ERP44: variants seen among roughly 807,000 people sequenced by gnomAD.
ERP44 encodes endoplasmic reticulum protein 44.
Under a neutral mutation model 53.4 loss-of-function variants are expected in ERP44, and 25 were observed. The observed-to-expected ratio is 0.47, with a 90% CI of 0.34 to 0.65. ERP44 has a LOEUF of 0.65. Among genes scored for constraint, ERP44 ranks in the 30% least tolerant of loss-of-function variants. ERP44 has a pLI of 0.01. For missense variants in ERP44, 338 were observed against 493.2 expected, an observed-to-expected ratio of 0.69 and a Z score of 2.98; for synonymous variants, 145 against 161.2, an observed-to-expected ratio of 0.90 and a Z score of 0.76.
At chr9:100,027,265 G>C (rs948338294) in intron 4 of ERP44, among the ~76,000 whole-genome samples, 4 of 152,166 alleles carry the variant, frequency 2.6e-5, no homozygotes, top group African/African-American at 9.7e-5. Context: ...TAAAATTCTG[G>C]TTACAGAGAG....
intron 1 of ERP44, among the ~76,000 whole-genome samples, chr9:100,092,243 G>C (rs1826567105): frequency 6.6e-6 from 1 of 152,200 alleles, no homozygotes; most frequent in South Asian, 2.1e-4. Context: ...AGTACAGCAA[G>C]AGTCAATATC....
At chr9:100,060,238 T>A in intron 1 of ERP44, 66 bp from the exon 2 acceptor site, 1 of 1,338,368 alleles carries the variant, frequency 7.5e-7, no homozygotes, top group East Asian at 3.0e-5. Flanking sequence ...AAAAGCGAAG[T>A]CTAAAAATAA....
intron 4 of ERP44, among the ~76,000 whole-genome samples, chr9:100,031,832 G>C (rs868185328): frequency 2.0e-5 from 3 of 152,126 alleles, no homozygotes; most frequent in South Asian, 2.1e-4. Context: ...TGAAACCCTA[G>C]AAATTAGAAA....
chr9:100,056,873 CT>C (rs2118712992), intron 3 of ERP44, among the ~76,000 whole-genome samples: 1 of 152,226 alleles, frequency 6.6e-6, no homozygotes, highest in South Asian at 2.1e-4. Context: ...CATAAGGGGC[CT>C]TCTGGGTCAA....
chr9:99,980,330 A>G lies in ERP44; in HGVS notation c.*2282T>C, dbSNP rs1310798507. The stretch of plus-strand genomic sequence containing the variant: ...TACAGCACCAAAAAACTTGCACTGA[A>G]TAAATGTCAGACTGAAATCTGCTTC... On this transcript the variant is annotated 3_prime_UTR_variant, in exon 12 of 12. Transcript: ENST00000262455. The G allele has an allele frequency of 6.3e-6, 2 of 319,208 alleles. No individual in the cohort carries two copies. Among genetic ancestry groups the G allele is most frequent in the African/African-American group, 4.3e-5 (2 of 46,862 alleles). The allele number at this position is 319,208 out of a possible 1,614,324, so 19.8% of individuals were successfully genotyped here.
chr9:100,018,417 G>A (rs1830548345), intron 6 of ERP44, 104 bp from the exon 7 acceptor site: 1 of 747,176 alleles, frequency 1.3e-6, no homozygotes, highest in East Asian at 2.5e-5. Context: ...CCTATTACAA[G>A]ACTATGCAAT....
At chr9:99,995,920 C>CTTTTTTTTTTTTTTT in intron 10 of ERP44, among the ~76,000 whole-genome samples, 1 of 121,436 alleles carries the variant, frequency 8.2e-6, no homozygotes, top group Non-Finnish European at 1.7e-5. Flanking sequence ...TAGGGTAGTT[C>CTTTTTTTTTTTTTTT]TTTTTTTTTT....
intron 8 of ERP44, 128 bp from the exon 9 acceptor site, chr9:100,007,817 A>AG: frequency 1.5e-6 from 1 of 657,148 alleles, no homozygotes; most frequent in Admixed American, 2.7e-5. Context: ...GGGAAAAAAA[A>AG]GGCCCAGTGG....
rs959458423 is a variant in ERP44 at position 99,979,605 on chromosome 9, G to A, written c.*3007C>T. On this transcript the variant is annotated 3_prime_UTR_variant, in exon 12 of 12. Transcript: ENST00000262455. ...ATCTAAAAGTTTCCATCCTTTTATGGTCCCCCTCACAATTTGAAAAACTCG... is the reference window on the plus strand; with the variant it reads ...ATCTAAAAGTTTCCATCCTTTTATGATCCCCCTCACAATTTGAAAAACTCG... The A allele has an allele frequency of 1.4e-5, 3 of 217,776 alleles. No individual in the cohort carries two copies. Among genetic ancestry groups the A allele is most frequent in the Admixed American group, 1.2e-4 (2 of 17,310 alleles). 13.5% of individuals were successfully genotyped at this position (217,776 alleles called of 1,614,324 possible).
intron 1 of ERP44, among the ~76,000 whole-genome samples, chr9:100,081,410 T>C (rs570637244): frequency 1.6e-4 from 25 of 152,000 alleles, no homozygotes; most frequent in African/African-American, 6.0e-4. Context: ...ATATGCGAAA[T>C]AGCACAGCAG....
intron 1 of ERP44, among the ~76,000 whole-genome samples, chr9:100,097,626 A>G (rs1389850929): frequency 6.6e-6 from 1 of 152,254 alleles, no homozygotes; most frequent in Admixed American, 6.5e-5. Flanking sequence ...CAATGTTTAT[A>G]CACAACTTTT....
At chr9:100,048,078 G>T (rs10819721) in intron 4 of ERP44, among the ~76,000 whole-genome samples, 4 of 151,626 alleles carry the variant, frequency 2.6e-5, no homozygotes, top group Admixed American at 2.6e-4. Context: ...ACAAACAAAC[G>T]AACAAAAACA....
chr9:100,015,797 C>T (rs996027340), intron 8 of ERP44, among the ~76,000 whole-genome samples: 2 of 152,174 alleles, frequency 1.3e-5, no homozygotes, highest in African/African-American at 4.8e-5. Flanking sequence ...CTCAGATCAT[C>T]AGGCATTAGT....
chr9:100,056,361 A>C (rs1826088672), intron 3 of ERP44, among the ~76,000 whole-genome samples: 1 of 152,238 alleles, frequency 6.6e-6, no homozygotes, highest in Non-Finnish European at 1.5e-5. Context: ...TTTTTACTAA[A>C]GTTCTTTAAA....
chr9:100,068,208 G>C (rs934969650), intron 1 of ERP44, among the ~76,000 whole-genome samples: 7 of 149,488 alleles, frequency 4.7e-5, no homozygotes, highest in Non-Finnish European at 8.9e-5. Context: ...GGGAGGTAGG[G>C]GGGTCAGCCC....
chr9:100,067,557 G>A (rs931611874), intron 1 of ERP44, among the ~76,000 whole-genome samples: 1 of 152,194 alleles, frequency 6.6e-6, no homozygotes, highest in Non-Finnish European at 1.5e-5. Flanking sequence ...CCACCTCCCA[G>A]CCGCCTGCCT....
chr9:100,060,299 T>A (rs1037093695), intron 1 of ERP44, 127 bp from the exon 2 acceptor site: 5 of 1,030,458 alleles, frequency 4.9e-6, no homozygotes, highest in Non-Finnish European at 6.3e-6. Flanking sequence ...TTGAATTGAA[T>A]CTTTATTATC....
chr9:100,003,565 C>T (rs1830399895), intron 10 of ERP44, among the ~76,000 whole-genome samples: 1 of 152,130 alleles, frequency 6.6e-6, no homozygotes, highest in African/African-American at 2.4e-5. Context: ...CCTGGGTCAG[C>T]AGGTGGGTGA....
chr9:100,098,367 C>T (rs773890023), intron 1 of ERP44, among the ~76,000 whole-genome samples: 1 of 152,176 alleles, frequency 6.6e-6, no homozygotes, highest in Non-Finnish European at 1.5e-5. Context: ...GATCTAGACC[C>T]AGTGAGAGTC....
Sources: allele counts gnomAD v4.1 joint callset (sites outside exome capture counted in the v4.1 genomes callset), GRCh38; gene constraint gnomAD v4.1.1; transcripts MANE v1.5; gene names NCBI Gene and HGNC (gene_info 2026-07-23, HGNC 2026-07-21).